The following ADCY3 variants were observed in gnomAD, a reference collection of about 807,000 sequenced individuals.
ADCY3 encodes the protein adenylate cyclase 3.
ADCY3 carries 70 observed loss-of-function variants against 119.4 expected under a neutral mutation model. That is an observed-to-expected ratio of 0.59 (90% CI 0.48 to 0.72). ADCY3 has a LOEUF of 0.72. ADCY3 is among the 30% of genes least tolerant of loss of function. ADCY3 has a pLI of 0.00. For missense variants in ADCY3, 1,238 were observed against 1,541.6 expected, an observed-to-expected ratio of 0.80 and a Z score of 3.30; for synonymous variants, 672 against 621.4, an observed-to-expected ratio of 1.08 and a Z score of -1.21.
At chr2:24,865,224 C>G (rs1674132596) in intron 3 of ADCY3, among the ~76,000 whole-genome samples, 1 of 151,984 alleles carries the variant, frequency 6.6e-6, no homozygotes, top group Admixed American at 6.6e-5. Context: ...GCGGGCAGAT[C>G]ACTTTAGGTA....
chr2:24,903,600 C>T lies in ADCY3; in HGVS notation c.675+14713G>A, dbSNP rs554044200. Among the ~76,000 whole-genome samples, 12 of 152,234 alleles carry T rather than the reference C, an allele frequency of 7.9e-5. No homozygotes were observed. The South Asian group carries it at 2.3e-3, about 29-fold the overall frequency. On this transcript the variant is annotated intron_variant, in intron 2 of 21. Coordinates refer to ENST00000679454, the MANE Select transcript of ADCY3 (RefSeq NM_004036.5). ...CTAAGTGACATAATGAGATAAAAAGCGCTTCAATGATCCATGCAAATGTTA... is the reference window on the plus strand; with the variant it reads ...CTAAGTGACATAATGAGATAAAAAGTGCTTCAATGATCCATGCAAATGTTA...
intron 2 of ADCY3, among the ~76,000 whole-genome samples, chr2:24,912,462 A>G (rs774263899): frequency 2.6e-5 from 4 of 152,252 alleles, no homozygotes; most frequent in Non-Finnish European, 5.9e-5. Context: ...GAAACTGCAG[A>G]ATGCCAATAA....
At chr2:24,910,398 G>T (rs1663439719) in intron 2 of ADCY3, among the ~76,000 whole-genome samples, 1 of 151,988 alleles carries the variant, frequency 6.6e-6, no homozygotes, top group Non-Finnish European at 1.5e-5. Context: ...GTTTTGCCAT[G>T]TTGCCCAGGT....
intron 2 of ADCY3, among the ~76,000 whole-genome samples, chr2:24,875,356 C>T (rs1003798511): frequency 1.3e-5 from 2 of 152,234 alleles, no homozygotes; most frequent in Non-Finnish European, 2.9e-5. Flanking sequence ...ACCTCCCCCA[C>T]CCCACCCCCC....
At chr2:24,895,943 C>G (rs550426570) in intron 2 of ADCY3, among the ~76,000 whole-genome samples, 108 of 152,314 alleles carry the variant, frequency 7.1e-4, no homozygotes, top group African/African-American at 2.6e-3. Flanking sequence ...TTAATCCTAT[C>G]TACCTAGCTT....
At chr2:24,849,737 CTGA>C (rs1163723962) in intron 3 of ADCY3, among the ~76,000 whole-genome samples, 4 of 152,164 alleles carry the variant, frequency 2.6e-5, no homozygotes, top group Non-Finnish European at 5.9e-5. Context: ...CACACGGAAC[CTGA>C]CAGAGGGGAA....
chr2:24,853,903 A>G (rs1020731796), intron 3 of ADCY3, among the ~76,000 whole-genome samples: 2 of 152,232 alleles, frequency 1.3e-5, no homozygotes, highest in Admixed American at 6.5e-5. Context: ...TGTATATACA[A>G]TGACTATAGC....
At chr2:24,847,423 A>T (rs777419184) in intron 3 of ADCY3, among the ~76,000 whole-genome samples, 34 of 152,244 alleles carry the variant, frequency 2.2e-4, no homozygotes, top group Non-Finnish European at 4.7e-4. Flanking sequence ...TTCCATTTCC[A>T]CAGCAATATC....
rs189826534 is a variant in ADCY3, at chr2:24,914,430, T to C, written c.675+3883A>G. Among the ~76,000 whole-genome samples, 499 of 152,254 alleles carry C rather than the reference T, an allele frequency of 3.3e-3. 1 individual carries two copies. The highest frequency in any genetic ancestry group is 6.8e-3 in the Middle Eastern group (2 of 294). On this transcript the variant is annotated intron_variant, in intron 2 of 21. Coordinates refer to ENST00000679454, the MANE Select transcript of ADCY3 (RefSeq NM_004036.5). The stretch of plus-strand genomic sequence containing the variant: ...GCTCACACCTGTAATCCCAGCACTT[T>C]GGGAGGCTAAGGCAGGCGGATTATC...
chr2:24,885,432 T>C (rs780177774), intron 2 of ADCY3, among the ~76,000 whole-genome samples: 11 of 152,148 alleles, frequency 7.2e-5, no homozygotes, highest in Non-Finnish European at 1.5e-4. Flanking sequence ...CTGCCAACAC[T>C]ACGCCCCAGC....
chr2:24,874,801 T>C (rs1161957659), intron 2 of ADCY3, among the ~76,000 whole-genome samples: 2 of 152,184 alleles, frequency 1.3e-5, no homozygotes, highest in African/African-American at 4.8e-5. Flanking sequence ...CCCCCCGAAT[T>C]TATGTCCCCA....
chr2:24,846,033 G>A (rs1269689919), intron 3 of ADCY3, among the ~76,000 whole-genome samples: 2 of 152,268 alleles, frequency 1.3e-5, no homozygotes, highest in Non-Finnish European at 2.9e-5. Flanking sequence ...CCTCTGCCTA[G>A]ATTTCAGAAG....
At chr2:24,824,355 C>G (rs376859524) in intron 17 of ADCY3, 23 bp downstream of exon 17, 1 of 1,611,522 alleles carries the variant, frequency 6.2e-7, no homozygotes. Flanking sequence ...CTCATGGTTC[C>G]GGGCTGAGAC....
chr2:24,842,416 G>C lies in ADCY3; in HGVS notation c.826-32C>G, dbSNP rs1410233579. The C allele has an allele frequency of 6.2e-7, 1 of 1,613,314 alleles. No individual in the cohort carries two copies. The highest frequency in any genetic ancestry group is 8.5e-7 in the Non-Finnish European group (1 of 1,179,720). On this transcript the variant is annotated intron_variant, in intron 3 of 21. Coordinates refer to ENST00000679454, the MANE Select transcript of ADCY3 (RefSeq NM_004036.5). The surrounding 1 kb of genome is among the most constrained non-coding windows in gnomAD (Gnocchi z 4.9). Reference sequence around the variant, plus strand: ...GGGGCAGGAGAGGGTCAGAGGCAAAGGTAGGCCCTGCTAGAGGCAAGTTCA... The same window carrying C: ...GGGGCAGGAGAGGGTCAGAGGCAAACGTAGGCCCTGCTAGAGGCAAGTTCA...
In ADCY3 at chr2:24,918,590, C is replaced by G; in HGVS notation, c.398G>C (p.Arg133Pro). Reference sequence around the variant, plus strand: ...GTAGGGCAGCACTCTGCGGGTGACCCGGTCCGGGAGCAGCCCCTTTTTGCA... The same window carrying G: ...GTAGGGCAGCACTCTGCGGGTGACCGGGTCCGGGAGCAGCCCCTTTTTGCA... ...VLCKKGLLPDRVTRRVLPYVL... is the reference protein window; with the variant it reads ...VLCKKGLLPDPVTRRVLPYVL... Residue 133 changes from arginine (R) to proline (P), a missense_variant, in exon 2 of 22, where the codon CGG becomes CCG. Coordinates refer to ENST00000679454, the MANE Select transcript of ADCY3 (RefSeq NM_004036.5). This position sits in a 1 kb window ranked among gnomAD's most constrained non-coding sequence, Gnocchi z 5.4. 1 of 1,614,128 alleles carries G rather than the reference C, an allele frequency of 6.2e-7. No individual in the cohort carries two copies. Among genetic ancestry groups the G allele is most frequent in the Non-Finnish European group, 8.5e-7 (1 of 1,180,038 alleles).
intron 3 of ADCY3, among the ~76,000 whole-genome samples, chr2:24,843,564 G>A (rs907473789): frequency 2.0e-5 from 3 of 152,240 alleles, no homozygotes; most frequent in Non-Finnish European, 4.4e-5. Flanking sequence ...ATGGCAGAGT[G>A]GGGTAGATGC....
chr2:24,887,078 G>T (rs574656055), intron 2 of ADCY3, among the ~76,000 whole-genome samples: 85 of 152,342 alleles, frequency 5.6e-4, no homozygotes, highest in Admixed American at 9.8e-4. Flanking sequence ...AAGGAAAGAG[G>T]TTTAACTGAC....
At chr2:24,840,143 G>A in intron 6 of ADCY3, 112 bp from the exon 7 acceptor site, 3 of 1,427,868 alleles carry the variant, frequency 2.1e-6, no homozygotes, top group South Asian at 1.3e-5. Flanking sequence ...CCACAAGAGG[G>A]GGCCTGGCAA....
chr2:24,915,317 G>T (rs578178255), intron 2 of ADCY3, among the ~76,000 whole-genome samples: 1 of 152,276 alleles, frequency 6.6e-6, no homozygotes, highest in Admixed American at 6.5e-5. Context: ...CGGTGCCTGG[G>T]GTCTGGAGAA....
Sources: gnomAD v4.1 joint callset for allele counts (sites outside exome capture counted in the v4.1 genomes callset) on GRCh38, gnomAD v4.1.1 for gene constraint, Gnocchi (gnomAD v3.1) non-coding constraint, MANE v1.5 for transcripts, NCBI Gene and HGNC (gene_info 2026-07-23, HGNC 2026-07-21) for gene names.